Variants in QTMAN observed in about 807,000 individuals in gnomAD.
The protein encoded by QTMAN is tRNA-queuosine alpha-mannosyltransferase.
chr2:144,072,210 G>C, the QTMAN span, among the ~76,000 whole-genome samples: 1 of 152,096 alleles, frequency 6.6e-6, no homozygotes, highest in Non-Finnish European at 1.5e-5. Context: ...TTTATGTGGA[G>C]GAAAAATAGG....
chr2:144,122,417 T>C, the QTMAN span, among the ~76,000 whole-genome samples: 1 of 152,186 alleles, frequency 6.6e-6, no homozygotes, highest in South Asian at 2.1e-4. Flanking sequence ...TCATCAAGAT[T>C]CAGGTCATAA....
chr2:144,151,000 T>C, the QTMAN span, among the ~76,000 whole-genome samples: 1 of 151,550 alleles, frequency 6.6e-6, no homozygotes, highest in Non-Finnish European at 1.5e-5. Flanking sequence ...ACCAAGGAGG[T>C]TGGAGCCAAT....
At chr2:144,026,517 G>A in the QTMAN span, among the ~76,000 whole-genome samples, 4 of 152,094 alleles carry the variant, frequency 2.6e-5, no homozygotes, top group African/African-American at 9.7e-5. Context: ...ACAACTGAAA[G>A]ACAACCCACA....
At chr2:143,951,476 TTA>T in the QTMAN span, among the ~76,000 whole-genome samples, 1 of 151,524 alleles carries the variant, frequency 6.6e-6, no homozygotes, top group East Asian at 1.9e-4. Context: ...TGAGGATTTT[TTA>T]TGTCATTTTT....
chr2:144,155,903 G>GA, the QTMAN span, among the ~76,000 whole-genome samples: 103 of 139,572 alleles, frequency 7.4e-4, no homozygotes, highest in South Asian at 1.1e-3. Flanking sequence ...TGACAACCAT[G>GA]AAAAAAAAAA....
the QTMAN span, among the ~76,000 whole-genome samples, chr2:143,985,373 A>G: frequency 6.6e-6 from 1 of 152,264 alleles, no homozygotes; most frequent in African/African-American, 2.4e-5. Flanking sequence ...TGAAGTACTA[A>G]GGAAATAATC....
the QTMAN span, chr2:144,317,384 T>TGGAAGGATGGAA: frequency 2.4e-4 from 23 of 97,372 alleles, no homozygotes; most frequent in African/African-American, 7.1e-4. Flanking sequence ...GAAGGAAGGA[T>TGGAAGGATGGAA]GGAAGGAAGG....
At chr2:144,259,555 G>C in the QTMAN span, among the ~76,000 whole-genome samples, 9 of 152,212 alleles carry the variant, frequency 5.9e-5, no homozygotes, top group Middle Eastern at 3.4e-3. Flanking sequence ...CTCTTTTGGC[G>C]AGCGACCAAG....
At chr2:144,145,956 C>G in the QTMAN span, 3 of 122,412 alleles carry the variant, frequency 2.5e-5, no homozygotes, top group Non-Finnish European at 4.6e-5. Flanking sequence ...TCTCACTGGT[C>G]TTCTCAGTGC....
the QTMAN span, among the ~76,000 whole-genome samples, chr2:144,306,986 C>G: frequency 6.6e-6 from 1 of 151,020 alleles, no homozygotes; most frequent in Admixed American, 6.6e-5. Context: ...ATGGTGAAAC[C>G]CCCGTCTCTA....
At chr2:144,262,868 A>G in the QTMAN span, among the ~76,000 whole-genome samples, 1 of 50,734 alleles carries the variant, frequency 2.0e-5, no homozygotes, top group African/African-American at 8.1e-5. Context: ...GGGAGGGGAG[A>G]GGAGAAGGGA....
At chr2:143,995,480 C>T in the QTMAN span, among the ~76,000 whole-genome samples, 13 of 152,068 alleles carry the variant, frequency 8.5e-5, no homozygotes, top group African/African-American at 2.9e-4. Context: ...ACTGTGCTAA[C>T]GCAATTACAT....
the QTMAN span, among the ~76,000 whole-genome samples, chr2:143,974,655 C>A: frequency 1.3e-5 from 2 of 151,770 alleles, no homozygotes; most frequent in African/African-American, 2.4e-5. Flanking sequence ...ATAGGTATAC[C>A]GAAAGTTAAT....
the QTMAN span, among the ~76,000 whole-genome samples, chr2:144,116,300 T>TG: frequency 1.8e-3 from 3 of 1,684 alleles, no homozygotes; most frequent in Non-Finnish European, 4.0e-3. Context: ...TGTGTTGGGG[T>TG]GGGGGGGTGG....
At chr2:144,080,654 T>G in the QTMAN span, among the ~76,000 whole-genome samples, 5 of 152,174 alleles carry the variant, frequency 3.3e-5, no homozygotes, top group African/African-American at 1.2e-4. Context: ...TATATAAAAA[T>G]GCATACTGAT....
the QTMAN span, among the ~76,000 whole-genome samples, chr2:144,293,906 C>T: frequency 1.8e-3 from 271 of 152,264 alleles, 7 homozygotes; most frequent in South Asian, 0.039. Flanking sequence ...AAGTCCAATT[C>T]TCAATGCTTC....
chr2:144,147,797 A>G, the QTMAN span, among the ~76,000 whole-genome samples: 1 of 151,904 alleles, frequency 6.6e-6, no homozygotes, highest in East Asian at 1.9e-4. Context: ...ACTGTGACCA[A>G]TAATGGGACA....
At chr2:144,278,921 C>T in the QTMAN span, among the ~76,000 whole-genome samples, 1 of 152,096 alleles carries the variant, frequency 6.6e-6, no homozygotes, top group African/African-American at 2.4e-5. Context: ...GCTTCATATA[C>T]ATTATTTCAT....
the QTMAN span, among the ~76,000 whole-genome samples, chr2:144,037,344 A>G: frequency 6.6e-6 from 1 of 152,206 alleles, no homozygotes; most frequent in Non-Finnish European, 1.5e-5. Context: ...TAAATATTTT[A>G]CTGTCCACCC....
Sources: allele counts gnomAD v4.1 joint callset (sites outside exome capture counted in the v4.1 genomes callset), GRCh38; gene constraint gnomAD v4.1.1; transcripts MANE v1.5; gene names NCBI Gene and HGNC (gene_info 2026-07-23, HGNC 2026-07-21).